BNC2: variants seen among roughly 807,000 people sequenced by gnomAD.
BNC2 encodes the protein zinc finger protein basonuclin-2.
Under a neutral mutation model 76.3 loss-of-function variants are expected in BNC2, and 20 were observed. That is an observed-to-expected ratio of 0.26 (90% CI 0.18 to 0.38). The LOEUF (loss-of-function observed/expected upper bound fraction) is 0.38. Among genes scored for constraint, BNC2 ranks in the 10% least tolerant of loss-of-function variants. BNC2 has a pLI of 1.00. For synonymous variants in BNC2, 582 were observed against 514.8 expected (o/e 1.13, Z -1.77); for missense variants, 1,382 against 1,399.8 (o/e 0.99, Z 0.20).
At chr9:16,503,812 C>A (rs1822570828) in intron 5 of BNC2, among the ~76,000 whole-genome samples, 1 of 152,014 alleles carries the variant, frequency 6.6e-6, no homozygotes, top group African/African-American at 2.4e-5. Flanking sequence ...CCTTAAGGAC[C>A]ATTATTTAGC....
intron 5 of BNC2, among the ~76,000 whole-genome samples, chr9:16,464,017 C>G (rs1161766239): frequency 6.9e-6 from 1 of 145,902 alleles, no homozygotes; most frequent in Non-Finnish European, 1.5e-5. Flanking sequence ...TTGCTTGAAC[C>G]TGGAAGGCAG....
chr9:16,664,128 C>G (rs116259688), intron 3 of BNC2, among the ~76,000 whole-genome samples: 2,564 of 152,034 alleles, frequency 0.017, 74 homozygotes, highest in African/African-American at 0.056. Context: ...AGGGAAATAC[C>G]ACGACAAAAA....
intron 3 of BNC2, among the ~76,000 whole-genome samples, chr9:16,614,655 T>TTA (rs1820644758): frequency 6.6e-6 from 1 of 150,976 alleles, no homozygotes; most frequent in East Asian, 2.0e-4. Context: ...TGCATGAAGT[T>TTA]AAAAAAAATG....
chr9:16,449,090 T>A (rs1334132950), intron 5 of BNC2, among the ~76,000 whole-genome samples: 3 of 152,082 alleles, frequency 2.0e-5, no homozygotes, highest in Middle Eastern at 3.2e-3. Flanking sequence ...TATGTTACTA[T>A]AACAAAACCT....
intron 5 of BNC2, among the ~76,000 whole-genome samples, chr9:16,456,659 T>C (rs538021265): frequency 3.3e-5 from 5 of 152,302 alleles, no homozygotes; most frequent in Admixed American, 2.0e-4. Context: ...CTGGCAGATA[T>C]TTCCTAGCAG....
At chr9:16,531,593 A>C (rs567846691) in intron 5 of BNC2, among the ~76,000 whole-genome samples, 25 of 152,312 alleles carry the variant, frequency 1.6e-4, no homozygotes, top group East Asian at 1.2e-3. Flanking sequence ...AACAAACAAA[A>C]AAAAAGAAGC....
chr9:16,754,984 T>A (rs10810606), intron 1 of BNC2, among the ~76,000 whole-genome samples: 68,798 of 152,110 alleles, frequency 0.45, 20,994 homozygotes, highest in Non-Finnish European at 0.68. Flanking sequence ...CCCCTTCACC[T>A]CCACTTCCAA....
intron 5 of BNC2, among the ~76,000 whole-genome samples, chr9:16,500,145 G>A (rs753061637): frequency 1.3e-5 from 2 of 151,744 alleles, no homozygotes; most frequent in African/African-American, 4.8e-5. Flanking sequence ...CTCTACCCTG[G>A]TTTCCACTAC....
rs537667772 is a variant in BNC2, at chr9:16,742,055, T to G, written c.4-3570A>C. Among the ~76,000 whole-genome samples, 51 of 151,740 alleles carry G rather than the reference T, an allele frequency of 3.4e-4. No homozygotes were observed. The South Asian group carries it at 0.01, about 30-fold the overall frequency. On this transcript the variant is annotated intron_variant, in intron 1 of 6. Transcript: ENST00000380672. ...CATTATGCAGCATTCTCATAGTGTA[T>G]AGTTCTTATGAAGAAAATAAAGTAA...
At chr9:16,857,557 GA>G (rs954283043) in intron 1 of BNC2, among the ~76,000 whole-genome samples, 60 of 143,098 alleles carry the variant, frequency 4.2e-4, no homozygotes, top group South Asian at 2.0e-3. Flanking sequence ...TTCCCCTAGG[GA>G]AAAAAAAAAT....
chr9:16,750,146 G>A (rs1825145795), intron 1 of BNC2, among the ~76,000 whole-genome samples: 1 of 152,070 alleles, frequency 6.6e-6, no homozygotes, highest in African/African-American at 2.4e-5. Context: ...AAGAATCTAC[G>A]AGAACTGATA....
intron 3 of BNC2, among the ~76,000 whole-genome samples, chr9:16,609,631 G>A (rs1820487161): frequency 6.6e-6 from 1 of 152,106 alleles, no homozygotes; most frequent in Admixed American, 6.5e-5. Context: ...AACTATTCAG[G>A]TACCTGGACA....
Position 16,665,386 on chromosome 9 carries a change from AAG to A in BNC2, c.330+62409_330+62410del, listed in dbSNP as rs55852227. Among the ~76,000 whole-genome samples, 4 of 84,302 alleles carry A rather than the reference AAG, an allele frequency of 4.7e-5. 1 individual carries two copies. The highest frequency in any genetic ancestry group is 9.8e-5 in the African/African-American group (2 of 20,496). 55.3% of individuals were successfully genotyped at this position (84,302 alleles called of 152,430 possible). A position where few individuals can be genotyped will look rare whatever the true frequency, so the allele number is the denominator to read the frequency against. ...CCTCTGTCTCAAAAAAAAAAAAAAA[AAG>A]AGAGAGAGAGAGAGAAAGAGAGAAA... On this transcript the variant is annotated intron_variant, in intron 3 of 6. Transcript: ENST00000380672.
intron 4 of BNC2, among the ~76,000 whole-genome samples, chr9:16,561,970 A>C (rs1819030384): frequency 6.6e-6 from 1 of 152,074 alleles, no homozygotes; most frequent in Non-Finnish European, 1.5e-5. Context: ...GAGCCACTAC[A>C]CTCCAGCCTG....
At chr9:16,674,717 A>C (rs1822584220) in intron 3 of BNC2, among the ~76,000 whole-genome samples, 1 of 152,176 alleles carries the variant, frequency 6.6e-6, no homozygotes, top group South Asian at 2.1e-4. Flanking sequence ...CACTTCTTAT[A>C]AGATGTAAAC....
intron 1 of BNC2, among the ~76,000 whole-genome samples, chr9:16,820,200 T>G (rs1018890347): frequency 1.5e-5 from 2 of 134,648 alleles, no homozygotes; most frequent in African/African-American, 5.7e-5. Flanking sequence ...CCGAGGCAGG[T>G]GGATCACCTA....
intron 1 of BNC2, among the ~76,000 whole-genome samples, chr9:16,747,961 T>C (rs1009646427): frequency 2.6e-5 from 4 of 152,196 alleles, no homozygotes; most frequent in Non-Finnish European, 5.9e-5. Context: ...GAATTTGCTA[T>C]TTTATTTTAC....
chr9:16,868,773 T>G (rs115555097), intron 1 of BNC2, among the ~76,000 whole-genome samples: 1,531 of 151,680 alleles, frequency 0.01, 22 homozygotes, highest in African/African-American at 0.036. Context: ...ACACAGATAC[T>G]CTCTAAAGGC....
intron 1 of BNC2, among the ~76,000 whole-genome samples, chr9:16,798,590 T>G (rs1364518348): frequency 2.0e-5 from 3 of 152,118 alleles, no homozygotes; most frequent in Non-Finnish European, 4.4e-5. Flanking sequence ...TATCTTATGA[T>G]TTAAAGGAGT....
Sources: gnomAD v4.1 joint callset for allele counts (sites outside exome capture counted in the v4.1 genomes callset) on GRCh38, gnomAD v4.1.1 for gene constraint, MANE v1.5 for transcripts, NCBI Gene and HGNC (gene_info 2026-07-23, HGNC 2026-07-21) for gene names.